TRAPPC2L: variants seen among roughly 807,000 people sequenced by gnomAD.
TRAPPC2L encodes trafficking protein particle complex subunit 2-like protein.
In TRAPPC2L, 17 loss-of-function variants were observed where a neutral mutation model predicts 13.2. That is an observed-to-expected ratio of 1.29 (90% CI 0.88 to 1.93). The LOEUF is 1.93. TRAPPC2L is among the 30% of genes most tolerant of loss of function. The pLI, the probability that TRAPPC2L is intolerant of heterozygous loss-of-function variation, is 0.00. For synonymous variants in TRAPPC2L, 150 were observed against 98.1 expected, an observed-to-expected ratio of 1.53 and a Z score of -3.12; for missense variants, 359 against 252.1, an observed-to-expected ratio of 1.42 and a Z score of -2.87.
chr16:88,857,212 G>C (rs915951590), intron 1 of TRAPPC2L, 29 bp downstream of exon 1: 2 of 1,527,776 alleles, frequency 1.3e-6, no homozygotes, highest in Non-Finnish European at 1.8e-6. Flanking sequence ...GGGCGTCCGG[G>C]CTCGCACCAT....
upstream of TRAPPC2L, chr16:88,856,960 G>C: frequency 1.4e-6 from 2 of 1,427,720 alleles, no homozygotes; most frequent in Non-Finnish European, 1.8e-6. Flanking sequence ...GCTGCGGGGC[G>C]GGGCCTGGAC....
exon 2 of TRAPPC2L, chr16:88,858,694 G>A: frequency 6.2e-7 from 1 of 1,613,640 alleles, no homozygotes; most frequent in Non-Finnish European, 8.5e-7. Flanking sequence ...CACATCTCTG[G>A]ACGTGGTGGA....
chr16:88,859,310 G>A (rs540978516), intron 2 of TRAPPC2L: 1 of 641,236 alleles, frequency 1.6e-6, no homozygotes, highest in African/African-American at 1.8e-5. Flanking sequence ...CTAGAGAGGG[G>A]ATCCGCCTTG....
chr16:88,862,055 TG>T, exon 4 of TRAPPC2L: 1 of 169,112 alleles, frequency 5.9e-6, no homozygotes, highest in African/African-American at 2.4e-5. Context: ...TGGGTGCATG[TG>T]GGCCACAGAC....
chr16:88,857,223 C>T (rs908683259), intron 1 of TRAPPC2L, 40 bp downstream of exon 1: 2 of 1,469,668 alleles, frequency 1.4e-6, no homozygotes, highest in Non-Finnish European at 1.8e-6. Flanking sequence ...CTCGCACCAT[C>T]CTCGGCTCTC....
chr16:88,859,133 T>A (rs1364843334), intron 2 of TRAPPC2L: 2 of 433,502 alleles, frequency 4.6e-6, no homozygotes, highest in East Asian at 5.0e-5. Flanking sequence ...GATAATAGTT[T>A]CATTTATTTC....
Position 88,859,618 on chromosome 16 carries a change from C to T in TRAPPC2L, c.207-45C>T, listed in dbSNP as rs3826063. 0.025 allele frequency: 39,305 copies of T among 1,572,038 alleles called. 560 individuals carry two copies. Among genetic ancestry groups the T allele is most frequent in the Non-Finnish European group, 0.028 (32,158 of 1,142,014 alleles). ...TGAGGGCCCACAGAGGGCCCTCCAC[C>T]GGCAGTCCCTGTGTTACGAGTGCCT... On this transcript the variant is annotated intron_variant, in intron 2 of 3. Coordinates refer to ENST00000565504, the Ensembl canonical transcript of TRAPPC2L.
exon 1 of TRAPPC2L, chr16:88,857,130 C>T (rs1227881668): frequency 1.3e-6 from 2 of 1,558,984 alleles, no homozygotes; most frequent in South Asian, 1.2e-5. Context: ...TGACGCGGTG[C>T]CTGGCGCCGA....
rs3826062 is a variant in TRAPPC2L, at chr16:88,860,783, G to A, written c.*459G>A. The stretch of plus-strand genomic sequence containing the variant: ...GGGACTCCTGTCCTGGCCTCTCAGC[G>A]GAGTTCACATTTCTGGACCCTGGAG... On this transcript the variant is annotated 3_prime_UTR_variant, in exon 4 of 4. Coordinates refer to ENST00000565504, the Ensembl canonical transcript of TRAPPC2L. The A allele has an allele frequency of 2.3e-3, 2,264 of 983,336 alleles. 41 individuals carry two copies. The highest frequency in any genetic ancestry group is 3.4e-3 in the East Asian group (131 of 38,254). The allele number at this position is 983,336 out of a possible 1,614,324, so 60.9% of individuals were successfully genotyped here.
chr16:88,860,820 C>A, exon 4 of TRAPPC2L: 1 of 1,381,858 alleles, frequency 7.2e-7, no homozygotes, highest in Non-Finnish European at 1.0e-6. Flanking sequence ...AGGTCCCGAG[C>A]ATCCTGTGGA....
At chr16:88,857,113 G>A (rs752306035), upstream of TRAPPC2L, 9 of 1,537,248 alleles carry the variant, frequency 5.9e-6, no homozygotes, top group African/African-American at 1.4e-5. Flanking sequence ...ACCAGCGGCG[G>A]GTCACGTGAC....
In TRAPPC2L at chr16:88,859,662, G is replaced by C. The variant is rs1299567361; in HGVS notation, c.207-1G>C. The C allele has an allele frequency of 6.2e-7, 1 of 1,613,808 alleles. No homozygotes were observed. Among genetic ancestry groups the C allele is most frequent in the African/African-American group, 1.3e-5 (1 of 74,936 alleles). On this transcript the variant is annotated splice_acceptor_variant, in intron 2 of 3. Coordinates refer to ENST00000565504, the Ensembl canonical transcript of TRAPPC2L. LOFTEE classifies it high-confidence loss of function. ...AGTGCCTTCCCTAACCAGCTGTGCAGATACGGCTACGTCACCAACTCCAAG... is the reference window on the plus strand; with the variant it reads ...AGTGCCTTCCCTAACCAGCTGTGCACATACGGCTACGTCACCAACTCCAAG...
chr16:88,860,163 C>A (rs1158174527), exon 4 of TRAPPC2L: 2 of 713,818 alleles, frequency 2.8e-6, no homozygotes, highest in Non-Finnish European at 5.1e-6. Flanking sequence ...ACACAGATCT[C>A]CAGCGCATAA....
At chr16:88,860,942 A>G in exon 4 of TRAPPC2L, 2 of 1,593,586 alleles carry the variant, frequency 1.3e-6, no homozygotes, top group East Asian at 2.3e-5. Flanking sequence ...GACGTCGATG[A>G]TGATACAGGT....
At chr16:88,857,434 G>A (rs1968015003) in intron 1 of TRAPPC2L, 1 of 465,394 alleles carries the variant, frequency 2.1e-6, no homozygotes, top group South Asian at 3.3e-5. Flanking sequence ...TCCCCGCCAG[G>A]ACCCACCAGA....
At chr16:88,860,562 T>G (rs758832890) in exon 4 of TRAPPC2L, 1 of 591,652 alleles carries the variant, frequency 1.7e-6, no homozygotes, top group Non-Finnish European at 3.0e-6. Context: ...GACACTGTCT[T>G]GGGGCCATCC....
Position 88,858,610 on chromosome 16 carries a change from TTCTTGCAGAATTACCCCCTC to T in TRAPPC2L, c.34-7_46del. On this transcript the variant is annotated splice_acceptor_variant and splice_polypyrimidine_tract_variant and coding_sequence_variant and intron_variant, in exon 2 of 4. Transcript: ENST00000565504. LOFTEE classifies it high-confidence loss of function. ...TTGTCCTTTCAGTCGCCGTCATCCTTTCTTGCAGAATTACCCCCTCTACATTCGCAGCACCCCTACGGAGA... is the reference window on the plus strand; with the variant it reads ...TTGTCCTTTCAGTCGCCGTCATCCTTTACATTCGCAGCACCCCTACGGAGA... 6.2e-7 allele frequency: 1 copy of T among 1,611,570 alleles called. No homozygotes were observed. Among genetic ancestry groups the T allele is most frequent in the Non-Finnish European group, 8.5e-7 (1 of 1,178,866 alleles).
At chr16:88,857,103 A>G (rs1967966957), upstream of TRAPPC2L, 2 of 1,555,170 alleles carry the variant, frequency 1.3e-6, no homozygotes, top group African/African-American at 1.4e-5. Context: ...AGGCCGCGTG[A>G]CCAGCGGCGG....
At chr16:88,857,795 T>C (rs985601053) in intron 1 of TRAPPC2L, among the ~76,000 whole-genome samples, 8 of 152,212 alleles carry the variant, frequency 5.3e-5, no homozygotes, top group Non-Finnish European at 4.4e-5. Context: ...CCATCCTCTT[T>C]ACTGGCCCAC....
Sources: allele counts gnomAD v4.1 joint callset (sites outside exome capture counted in the v4.1 genomes callset), GRCh38; gene constraint gnomAD v4.1.1; transcripts MANE v1.5; gene names NCBI Gene and HGNC (gene_info 2026-07-23, HGNC 2026-07-21).